The following AHCYL2 variants were observed in gnomAD, a reference collection of about 807,000 sequenced individuals.
The protein encoded by AHCYL2 is adenosylhomocysteinase like 2, also known as S-adenosylhomocysteine hydrolase-like protein 2.
Under a neutral mutation model 81.4 loss-of-function variants are expected in AHCYL2, and 28 were observed. The ratio of observed to expected loss-of-function variants is 0.34; its 90% CI spans 0.25 to 0.47. The LOEUF (loss-of-function observed/expected upper bound fraction) is 0.47, where lower values mean the gene tolerates loss of function less well. Among genes scored for constraint, AHCYL2 ranks in the 20% least tolerant of loss-of-function variants. The pLI is 1.00. For synonymous variants in AHCYL2, 272 were observed against 290.2 expected (o/e 0.94, Z 0.64); for missense variants, 551 against 785.1 (o/e 0.70, Z 3.56).
In AHCYL2 at chr7:129,400,346, G is replaced by A. The variant is rs1004271912; in HGVS notation, c.880G>A (p.Asp294Asn). 17 of 1,613,322 alleles carry A rather than the reference G, an allele frequency of 1.1e-5. No individual in the cohort carries two copies. The highest frequency in any genetic ancestry group is 6.7e-5 in the Admixed American group (4 of 59,980). The change falls in exon 6 of 17, where the codon GAT becomes AAT. Residue 294 changes from aspartate (D) to asparagine (N), a missense_variant. Asp to Asn is a conservative substitution (Grantham distance 23). Coordinates refer to ENST00000325006, the MANE Select transcript of AHCYL2 (RefSeq NM_015328.4). Reference protein sequence around the residue: ...ESEDDFWWCIDRCVNVEGWQP... With the variant: ...ESEDDFWWCINRCVNVEGWQP... ...AGAAGATGACTTTTGGTGGTGTATC[G>A]ATAGATGTGTGAATGTGGAGGGCTG...
intron 1 of AHCYL2, among the ~76,000 whole-genome samples, chr7:129,298,097 T>G (rs1349119424): frequency 2.6e-5 from 4 of 152,214 alleles, no homozygotes; most frequent in African/African-American, 4.8e-5. Context: ...AGAGGGTAAC[T>G]ATAGACAAGA....
intron 1 of AHCYL2, among the ~76,000 whole-genome samples, chr7:129,266,934 A>C (rs1346401748): frequency 2.0e-5 from 3 of 152,222 alleles, no homozygotes; most frequent in Non-Finnish European, 4.4e-5. Flanking sequence ...AAAGATAGAC[A>C]TAAGAAAATG....
At chr7:129,249,051 G>T (rs922663856) in intron 1 of AHCYL2, among the ~76,000 whole-genome samples, 10 of 143,106 alleles carry the variant, frequency 7.0e-5, no homozygotes, top group African/African-American at 2.6e-4. Flanking sequence ...AGGCTGGAGT[G>T]CAGTGGCGCG....
chr7:129,358,248 C>A (rs891954249), intron 1 of AHCYL2, among the ~76,000 whole-genome samples: 10 of 147,948 alleles, frequency 6.8e-5, no homozygotes, highest in African/African-American at 2.2e-4. Context: ...AAAAATTAGC[C>A]GGGCGTGGTG....
At chr7:129,355,237 TTGC>T (rs139051019) in intron 1 of AHCYL2, among the ~76,000 whole-genome samples, 40,298 of 151,896 alleles carry the variant, frequency 0.27, 5,357 homozygotes, top group South Asian at 0.37. Context: ...GTTTTAGTGA[TTGC>T]ACTGTGTAAA....
chr7:129,357,436 G>GT (rs533343739), intron 1 of AHCYL2, among the ~76,000 whole-genome samples: 110 of 152,270 alleles, frequency 7.2e-4, no homozygotes, highest in African/African-American at 2.5e-3. Flanking sequence ...AAAAGAAAAT[G>GT]TTTTTTATTA....
intron 1 of AHCYL2, among the ~76,000 whole-genome samples, chr7:129,315,104 CT>C (rs997319238): frequency 2.6e-5 from 4 of 152,020 alleles, no homozygotes; most frequent in African/African-American, 9.7e-5. Context: ...TTTTTTCCTT[CT>C]GAAAAAAACC....
chr7:129,295,475 C>T (rs547000721), intron 1 of AHCYL2, among the ~76,000 whole-genome samples: 28 of 152,196 alleles, frequency 1.8e-4, no homozygotes, highest in African/African-American at 6.7e-4. Context: ...ACTCTGAAAG[C>T]TGAAAAAATA....
At chr7:129,231,726 C>T (rs985142111) in intron 1 of AHCYL2, among the ~76,000 whole-genome samples, 1 of 152,146 alleles carries the variant, frequency 6.6e-6, no homozygotes, top group Non-Finnish European at 1.5e-5. Context: ...GTCTGAATGA[C>T]CTATGGCCTG....
chr7:129,405,912 C>G lies in AHCYL2; in HGVS notation c.1206+13C>G, dbSNP rs1339735119. On this transcript the variant is annotated intron_variant, in intron 9 of 16. Transcript: ENST00000325006. ...TGGCTATGGAGAGGTGAAGTTTAAC[C>G]TTTTGTTTATTAGGTGTTTTAAATG... 1.9e-6 allele frequency: 3 copies of G among 1,609,958 alleles called. No homozygotes were observed. In the African/African-American group the frequency reaches 4.0e-5, roughly 22 times the overall value.
chr7:129,313,679 T>A (rs1358092051), intron 1 of AHCYL2, among the ~76,000 whole-genome samples: 1 of 152,164 alleles, frequency 6.6e-6, no homozygotes, highest in Non-Finnish European at 1.5e-5. Flanking sequence ...AGAGGTATGG[T>A]TGAGTTCAAA....
intron 1 of AHCYL2, among the ~76,000 whole-genome samples, chr7:129,307,858 T>C (rs1312730540): frequency 1.3e-5 from 2 of 151,870 alleles, no homozygotes; most frequent in Admixed American, 6.6e-5. Context: ...CCTTCTGGCC[T>C]AAGATATGTC....
chr7:129,391,665 T>C (rs1415823116), intron 4 of AHCYL2, among the ~76,000 whole-genome samples: 1 of 152,232 alleles, frequency 6.6e-6, no homozygotes, highest in African/African-American at 2.4e-5. Flanking sequence ...GAATCTTTTA[T>C]GGGGATTCAT....
intron 1 of AHCYL2, among the ~76,000 whole-genome samples, chr7:129,363,831 C>G (rs1311128953): frequency 6.6e-6 from 1 of 152,008 alleles, no homozygotes; most frequent in Non-Finnish European, 1.5e-5. Flanking sequence ...AGCTGTCATG[C>G]CTGGCCTATT....
At position 129,379,723 on chromosome 7, in the gene AHCYL2, A is replaced by C. The variant is rs1487039101; in HGVS notation, c.449A>C (p.Gln150Pro). The change falls in exon 2 of 17, where the codon CAG becomes CCG. Residue 150 changes from glutamine to proline, a missense_variant. Gln to Pro is a moderately conservative substitution (Grantham distance 76). Coordinates refer to ENST00000325006, the MANE Select transcript of AHCYL2 (RefSeq NM_015328.4). ...CGCTCTTTGTCTCGTTCCATTTCTC[A>C]GTCATCTACTGACAGCTACAGCTCA... is the stretch of plus-strand genomic sequence containing the variant. ...GRRSLSRSIS[Q>P]SSTDSYSSAA... is the part of the protein sequence containing the mutation. 4 of 1,614,008 alleles carry C rather than the reference A, an allele frequency of 2.5e-6. No homozygotes were observed. In the African/African-American group the frequency reaches 5.3e-5, roughly 22 times the overall value.
At chr7:129,359,170 A>T (rs1235533767) in intron 1 of AHCYL2, among the ~76,000 whole-genome samples, 2 of 152,258 alleles carry the variant, frequency 1.3e-5, no homozygotes, top group Non-Finnish European at 2.9e-5. Context: ...ATACTTTCCC[A>T]CAATATAAAT....
At chr7:129,314,194 T>C (rs1584773645) in intron 1 of AHCYL2, among the ~76,000 whole-genome samples, 1 of 152,234 alleles carries the variant, frequency 6.6e-6, no homozygotes, top group East Asian at 1.9e-4. Context: ...TGTGTCACTT[T>C]CTCAGAGGTC....
At chr7:129,302,713 C>G (rs149397428) in intron 1 of AHCYL2, among the ~76,000 whole-genome samples, 28 of 152,260 alleles carry the variant, frequency 1.8e-4, no homozygotes, top group Non-Finnish European at 2.2e-4. Flanking sequence ...ATACATCTCA[C>G]TTGATCATGA....
rs199999606 is a variant in AHCYL2, at chr7:129,368,580, T to G, written c.364-11058T>G. On this transcript the variant is annotated intron_variant, in intron 1 of 16. Transcript: ENST00000325006. The surrounding 1 kb of genome is among the most constrained non-coding windows in gnomAD (Gnocchi z 4.4). ...AGTTCACTGGTCGTTTTGTTTCTCCTTCTGTTTCTTGATAATGAGAGGCAA... is the reference window on the plus strand; with the variant it reads ...AGTTCACTGGTCGTTTTGTTTCTCCGTCTGTTTCTTGATAATGAGAGGCAA... 1.2e-4 allele frequency: 189 copies of G among 1,611,956 alleles called. No individual in the cohort carries two copies. In the Middle Eastern group the frequency reaches 1.8e-3, roughly 15 times the overall value.
Sources: allele counts gnomAD v4.1 joint callset (sites outside exome capture counted in the v4.1 genomes callset), GRCh38; gene constraint gnomAD v4.1.1; non-coding constraint Gnocchi (gnomAD v3.1); transcripts MANE v1.5; gene names NCBI Gene and HGNC (gene_info 2026-07-23, HGNC 2026-07-21).